The following PDGFD variants were observed in gnomAD, a reference collection of about 807,000 sequenced individuals.
PDGFD encodes platelet-derived growth factor D.
In PDGFD, 30 loss-of-function variants were observed where a neutral mutation model predicts 44.7. The observed-to-expected ratio is 0.67, with a 90% CI of 0.50 to 0.91. The LOEUF (loss-of-function observed/expected upper bound fraction) is 0.91. Among genes scored for constraint, PDGFD ranks in the 40% least tolerant of loss-of-function variants. The pLI, the probability that PDGFD is intolerant of heterozygous loss-of-function variation, is 0.00. For missense variants in PDGFD, 445 were observed against 457.8 expected (o/e 0.97, Z 0.25); for synonymous variants, 173 against 168.4 (o/e 1.03, Z -0.21).
chr11:103,915,581 G>GA (rs1858109995), intron 6 of PDGFD, among the ~76,000 whole-genome samples: 1 of 151,970 alleles, frequency 6.6e-6, no homozygotes. Context: ...CACAGAATTG[G>GA]AAAAAACAAC....
intron 1 of PDGFD, among the ~76,000 whole-genome samples, chr11:104,116,501 A>T (rs1451420535): frequency 6.6e-6 from 1 of 151,154 alleles, no homozygotes; most frequent in African/African-American, 2.4e-5. Context: ...TCCACAAGAC[A>T]GAGAAAGAGG....
chr11:104,131,554 A>C (rs978579149), intron 1 of PDGFD, among the ~76,000 whole-genome samples: 1 of 151,920 alleles, frequency 6.6e-6, no homozygotes, highest in Non-Finnish European at 1.5e-5. Flanking sequence ...ATATCCTTAG[A>C]GTCTACACCA....
At chr11:103,962,044 T>A (rs776110409) in intron 3 of PDGFD, among the ~76,000 whole-genome samples, 1 of 152,096 alleles carries the variant, frequency 6.6e-6, no homozygotes, top group Non-Finnish European at 1.5e-5. Flanking sequence ...ATGGGGTTCC[T>A]AGGAAACCAA....
intron 3 of PDGFD, among the ~76,000 whole-genome samples, chr11:103,985,142 A>T (rs188723022): frequency 0.13 from 13,793 of 105,178 alleles, 1,835 homozygotes; most frequent in African/African-American, 0.23. Context: ...TTTAATATAT[A>T]ATATATTAAT....
chr11:104,011,767 GTT>G (rs1449870719), intron 1 of PDGFD, among the ~76,000 whole-genome samples: 1 of 151,930 alleles, frequency 6.6e-6, no homozygotes, highest in Non-Finnish European at 1.5e-5. Context: ...TTTTAAAAGT[GTT>G]TGTGAAGATA....
At chr11:103,978,557 T>C (rs965264570) in intron 3 of PDGFD, among the ~76,000 whole-genome samples, 1 of 152,046 alleles carries the variant, frequency 6.6e-6, no homozygotes, top group Non-Finnish European at 1.5e-5. Context: ...TTAATGGAAT[T>C]AAGAAGCTCC....
At chr11:104,153,632 G>A (rs1591189131) in intron 1 of PDGFD, among the ~76,000 whole-genome samples, 1 of 152,134 alleles carries the variant, frequency 6.6e-6, no homozygotes, top group East Asian at 1.9e-4. Context: ...AAAACAAAAA[G>A]GATTAATATG....
chr11:104,061,384 T>G (rs1185265831), intron 1 of PDGFD, among the ~76,000 whole-genome samples: 2 of 152,110 alleles, frequency 1.3e-5, no homozygotes, highest in Admixed American at 1.3e-4. Context: ...TTGCAACCCA[T>G]ATAACCAATG....
At chr11:104,131,426 A>C (rs1239547848) in intron 1 of PDGFD, among the ~76,000 whole-genome samples, 1 of 152,182 alleles carries the variant, frequency 6.6e-6, no homozygotes, top group African/African-American at 2.4e-5. Flanking sequence ...AAAATGTGAA[A>C]AACAAATGTG....
At chr11:104,055,506 T>A (rs1438210977) in intron 1 of PDGFD, among the ~76,000 whole-genome samples, 2 of 152,174 alleles carry the variant, frequency 1.3e-5, no homozygotes, top group Non-Finnish European at 2.9e-5. Context: ...GTCTGGCACT[T>A]AGTTGGATCA....
intron 1 of PDGFD, among the ~76,000 whole-genome samples, chr11:104,075,228 C>T (rs1046261590): frequency 6.6e-6 from 1 of 152,104 alleles, no homozygotes; most frequent in African/African-American, 2.4e-5. Flanking sequence ...ATTTTTTTCT[C>T]ACACACAAAT....
At chr11:104,112,003 C>T (rs1861565510) in intron 1 of PDGFD, among the ~76,000 whole-genome samples, 1 of 152,158 alleles carries the variant, frequency 6.6e-6, no homozygotes, top group South Asian at 2.1e-4. Flanking sequence ...ACTTCAGTCT[C>T]AAATAAGAAC....
At chr11:103,948,985 A>G (rs977918945) in intron 3 of PDGFD, among the ~76,000 whole-genome samples, 3 of 137,878 alleles carry the variant, frequency 2.2e-5, no homozygotes, top group Non-Finnish European at 3.1e-5. Context: ...AGACATCATT[A>G]TTTTAGTCAC....
At chr11:104,097,915 G>A (rs908102240) in intron 1 of PDGFD, among the ~76,000 whole-genome samples, 1 of 152,018 alleles carries the variant, frequency 6.6e-6, no homozygotes. Context: ...TAATTCTACG[G>A]CAAATTTCAG....
chr11:104,007,359 A>G (rs1369335754), intron 1 of PDGFD, among the ~76,000 whole-genome samples: 1 of 152,142 alleles, frequency 6.6e-6, no homozygotes, highest in Non-Finnish European at 1.5e-5. Flanking sequence ...GGCCCCAATA[A>G]ATGTATGTGA....
intron 1 of PDGFD, among the ~76,000 whole-genome samples, chr11:104,077,882 T>C (rs1368101036): frequency 1.3e-5 from 2 of 152,168 alleles, no homozygotes; most frequent in South Asian, 4.1e-4. Context: ...ACCCTTTCCC[T>C]TCTCCTTCAA....
chr11:104,024,430 T>C (rs1413165072), intron 1 of PDGFD, among the ~76,000 whole-genome samples: 2 of 152,210 alleles, frequency 1.3e-5, no homozygotes, highest in African/African-American at 4.8e-5. Context: ...CTGGTGTATC[T>C]CTAATGTTTG....
At chr11:103,956,648 C>T (rs1858855741) in intron 3 of PDGFD, among the ~76,000 whole-genome samples, 1 of 151,968 alleles carries the variant, frequency 6.6e-6, no homozygotes, top group South Asian at 2.1e-4. Flanking sequence ...CTGACTTCCA[C>T]AATGGTTGAA....
At chr11:104,130,349 T>C (rs1861903721) in intron 1 of PDGFD, among the ~76,000 whole-genome samples, 2 of 152,054 alleles carry the variant, frequency 1.3e-5, no homozygotes, top group African/African-American at 4.8e-5. Flanking sequence ...TGTAATGAGA[T>C]GTTTGGTTCT....
Sources: gnomAD v4.1 joint callset for allele counts (sites outside exome capture counted in the v4.1 genomes callset) on GRCh38, gnomAD v4.1.1 for gene constraint, MANE v1.5 for transcripts, NCBI Gene and HGNC (gene_info 2026-07-23, HGNC 2026-07-21) for gene names.